LMX1B: variants seen among roughly 807,000 people sequenced by gnomAD.
LMX1B encodes LIM homeobox transcription factor 1 beta.
LMX1B carries 12 observed loss-of-function variants against 51.4 expected under a neutral mutation model. That is an observed-to-expected ratio of 0.23 (90% CI 0.15 to 0.38). The LOEUF is 0.38. Among genes scored for constraint, LMX1B ranks in the 10% least tolerant of loss-of-function variants. The probability of loss-of-function intolerance (pLI) is 1.00; values close to 1 mark genes in which losing one functional copy is unlikely to be tolerated. For synonymous variants in LMX1B, 237 were observed against 235.4 expected, an observed-to-expected ratio of 1.01 and a Z score of -0.06; for missense variants, 445 against 571.1, an observed-to-expected ratio of 0.78 and a Z score of 2.25.
At chr9:126,682,479 A>G (rs1054509418) in intron 2 of LMX1B, among the ~76,000 whole-genome samples, 1 of 152,128 alleles carries the variant, frequency 6.6e-6, no homozygotes. Flanking sequence ...CCTTCCGCCT[A>G]TGAGAATGTC....
At position 126,615,349 on chromosome 9, in the gene LMX1B, G is replaced by A; in HGVS notation, c.140-34G>A. 1 of 1,491,128 alleles carries A rather than the reference G, an allele frequency of 6.7e-7. No individual in the cohort carries two copies. The highest frequency in any genetic ancestry group is 1.5e-5 in the African/African-American group (1 of 68,624). 92.4% of individuals were successfully genotyped at this position (1,491,128 alleles called of 1,614,324 possible). A position where few individuals can be genotyped will look rare whatever the true frequency, so the allele number is the denominator to read the frequency against. ...GGACGCCGGGGCTGGGCCGGGCGGC[G>A]CTGACGGCCGGGCTTTCGCCCTGTG... is the stretch of plus-strand genomic sequence containing the variant. On this transcript the variant is annotated intron_variant, in intron 1 of 7. Transcript: ENST00000373474. The surrounding 1 kb of genome is among the most constrained non-coding windows in gnomAD (Gnocchi z 6.0).
rs970470892 is a variant in LMX1B at position 126,615,704 on chromosome 9, G to A, written c.326+135G>A. 3.9e-6 allele frequency: 3 copies of A among 770,352 alleles called. No individual in the cohort carries two copies. Among genetic ancestry groups the A allele is most frequent in the Admixed American group, 7.7e-5 (2 of 25,820 alleles). The allele number at this position is 770,352 out of a possible 1,614,324, so 47.7% of individuals were successfully genotyped here. A position where few individuals can be genotyped will look rare whatever the true frequency, so the allele number is the denominator to read the frequency against. ...GGCCGGGCAGCTCCAAGGGTTCCGA[G>A]AGCTGCGCGTCTTGGGGCTGGGGCG... is the stretch of plus-strand genomic sequence containing the variant. On this transcript the variant is annotated intron_variant, in intron 2 of 7. Transcript: ENST00000373474. The surrounding 1 kb of genome is among the most constrained non-coding windows in gnomAD (Gnocchi z 6.0).
At chr9:126,666,843 G>A (rs571033861) in intron 2 of LMX1B, among the ~76,000 whole-genome samples, 95 of 152,172 alleles carry the variant, frequency 6.2e-4, no homozygotes, top group Non-Finnish European at 1.1e-3. Context: ...GAGGGGCGGC[G>A]TGGGAAGAAT....
At chr9:126,624,091 C>T (rs536599075) in intron 2 of LMX1B, among the ~76,000 whole-genome samples, 3 of 152,268 alleles carry the variant, frequency 2.0e-5, no homozygotes, top group African/African-American at 7.2e-5. Flanking sequence ...CGGTCCTGCC[C>T]TTTCTAAAGC....
At chr9:126,684,748 C>T (rs1836741789) in intron 2 of LMX1B, among the ~76,000 whole-genome samples, 1 of 152,100 alleles carries the variant, frequency 6.6e-6, no homozygotes, top group African/African-American at 2.4e-5. Flanking sequence ...AACATGGTAC[C>T]CCCCGTGGTC....
Position 126,626,584 on chromosome 9 carries a change from C to T in LMX1B, c.326+11015C>T, listed in dbSNP as rs1038852758. ...CTGCAATCCCGGCTCAGTCGGCAAC[C>T]GGCCCTTCCTTCCAGGTCAGGGGTG... On this transcript the variant is annotated intron_variant, in intron 2 of 7. Transcript: ENST00000373474. The surrounding 1 kb of genome is among the most constrained non-coding windows in gnomAD (Gnocchi z 4.3). 5.3e-5 allele frequency among the ~76,000 whole-genome samples: 8 copies of T among 152,184 alleles called. No homozygotes were observed. Among genetic ancestry groups the T allele is most frequent in the Non-Finnish European group, 1.2e-4 (8 of 68,036 alleles).
chr9:126,675,985 C>T (rs1303230128), intron 2 of LMX1B, among the ~76,000 whole-genome samples: 1 of 143,216 alleles, frequency 7.0e-6, no homozygotes, highest in Non-Finnish European at 1.5e-5. Context: ...GGAGGCGGAG[C>T]TTGCAGTGAG....
intron 2 of LMX1B, among the ~76,000 whole-genome samples, chr9:126,645,890 T>C (rs1385640314): frequency 6.6e-6 from 1 of 151,968 alleles, no homozygotes; most frequent in Non-Finnish European, 1.5e-5. Flanking sequence ...GAGAAGCCGC[T>C]GAGGGAGGGA....
At position 126,625,196 on chromosome 9, in the gene LMX1B, C is replaced by A. The variant is rs1387837720; in HGVS notation, c.326+9627C>A. ...CGAGGACGGCGGGAAGAGGGGGCTC[C>A]GGCCCTGTAGCCCCCTGACGCTTTT... On this transcript the variant is annotated intron_variant, in intron 2 of 7. Coordinates refer to ENST00000373474, the MANE Select transcript of LMX1B (RefSeq NM_001174147.2). The surrounding 1 kb of genome is among the most constrained non-coding windows in gnomAD (Gnocchi z 5.3). Among the ~76,000 whole-genome samples, 1 of 152,258 alleles carries A rather than the reference C, an allele frequency of 6.6e-6. No homozygotes were observed. The highest frequency in any genetic ancestry group is 2.4e-5 in the African/African-American group (1 of 41,476).
rs1382843029 is a variant in LMX1B, at chr9:126,696,312, A to G, written c.1070A>G (p.His357Arg). Residue 357 changes from histidine to arginine, a missense_variant, in exon 8 of 8, where the codon CAT (histidine) becomes CGT (arginine). Physicochemically the swap from His to Arg is conservative, Grantham distance 29. This residue lies in a region of LMX1B where 162 missense variants were observed against 187.8 expected (regional missense o/e 0.86). Transcript: ENST00000373474. ...MNPYGNDSIF[H>R]DIDSDTSLTS... ...CCCCCAGGGAACGACTCCATCTTCC[A>G]TGACATCGACAGCGATACCTCCTTA... 1 of 1,613,954 alleles carries G rather than the reference A, an allele frequency of 6.2e-7. No homozygotes were observed. Among genetic ancestry groups the G allele is most frequent in the South Asian group, 1.1e-5 (1 of 91,078 alleles).
Position 126,641,114 on chromosome 9 carries a change from G to A in LMX1B, c.326+25545G>A, listed in dbSNP as rs79157471. ...CAGAGCTGAGTAGGCAACCTGGCACGGGGGCATGTGGAAGGAGCTGTGGGA... is the reference window on the plus strand; with the variant it reads ...CAGAGCTGAGTAGGCAACCTGGCACAGGGGCATGTGGAAGGAGCTGTGGGA... On this transcript the variant is annotated intron_variant, in intron 2 of 7. Transcript: ENST00000373474. The surrounding 1 kb of genome is among the most constrained non-coding windows in gnomAD (Gnocchi z 4.1). The A allele has an allele frequency of 6.6e-6, 1 of 152,398 alleles. No homozygotes were observed. The highest frequency in any genetic ancestry group is 1.9e-4 in the East Asian group (1 of 5,196). 9.4% of individuals were successfully genotyped at this position (152,398 alleles called of 1,614,324 possible). A position where few individuals can be genotyped will look rare whatever the true frequency, so the allele number is the denominator to read the frequency against.
At chr9:126,662,656 G>A (rs904570412) in intron 2 of LMX1B, among the ~76,000 whole-genome samples, 6 of 152,206 alleles carry the variant, frequency 3.9e-5, no homozygotes, top group Non-Finnish European at 7.3e-5. Flanking sequence ...TGGAAGTGTG[G>A]GCTGGGCTGG....
chr9:126,697,726 A>G lies in LMX1B; in HGVS notation c.*1275A>G, dbSNP rs1191391016. On this transcript the variant is annotated 3_prime_UTR_variant, in exon 8 of 8. Coordinates refer to ENST00000373474, the MANE Select transcript of LMX1B (RefSeq NM_001174147.2). Reference sequence around the variant, plus strand: ...GCCCAAAAGACAATGATTTGGCCACATGACCTTAGAGATTCACCCTGCCCT... The same window carrying G: ...GCCCAAAAGACAATGATTTGGCCACGTGACCTTAGAGATTCACCCTGCCCT... 6.6e-6 allele frequency: 1 copy of G among 152,522 alleles called. No homozygotes were observed. Among genetic ancestry groups the G allele is most frequent in the East Asian group, 1.9e-4 (1 of 5,196 alleles). 9.4% of individuals were successfully genotyped at this position (152,522 alleles called of 1,614,324 possible).
chr9:126,671,710 C>A lies in LMX1B; in HGVS notation c.327-19126C>A, dbSNP rs1323959160. Among the ~76,000 whole-genome samples the A allele has an allele frequency of 6.6e-6, 1 of 152,112 alleles. No individual in the cohort carries two copies. The highest frequency in any genetic ancestry group is 2.4e-5 in the African/African-American group (1 of 41,430). ...CCGAGCGGTGGAATTTTTCAATAACCAGCAGCTGGGTCACCAGGCACACAA... is the reference window on the plus strand; with the variant it reads ...CCGAGCGGTGGAATTTTTCAATAACAAGCAGCTGGGTCACCAGGCACACAA... On this transcript the variant is annotated intron_variant, in intron 2 of 7. Transcript: ENST00000373474. This position sits in a 1 kb window ranked among gnomAD's most constrained non-coding sequence, Gnocchi z 4.4.
At chr9:126,638,223 G>A (rs924366529) in intron 2 of LMX1B, among the ~76,000 whole-genome samples, 2 of 152,134 alleles carry the variant, frequency 1.3e-5, no homozygotes, top group Non-Finnish European at 2.9e-5. Context: ...GGAATGCTCC[G>A]GTGGGGGTGC....
At chr9:126,696,250 G>T (rs753513505) in intron 7 of LMX1B, 44 bp from the exon 8 acceptor site, 1 of 1,602,574 alleles carries the variant, frequency 6.2e-7, no homozygotes. Flanking sequence ...GCCCCCAGGA[G>T]CCCCAGCCTG....
Position 126,691,900 on chromosome 9 carries a change from C to T in LMX1B, c.559+832C>T, listed in dbSNP as rs1012486746. On this transcript the variant is annotated intron_variant, in intron 3 of 7. Coordinates refer to ENST00000373474, the MANE Select transcript of LMX1B (RefSeq NM_001174147.2). Reference sequence around the variant, plus strand: ...TCCTCTGCTCTAGCCCCCAAAAGGACGAGGCCAATTTGAAGGCCTCCTGGC... The same window carrying T: ...TCCTCTGCTCTAGCCCCCAAAAGGATGAGGCCAATTTGAAGGCCTCCTGGC... 3.3e-5 allele frequency among the ~76,000 whole-genome samples: 5 copies of T among 152,338 alleles called. No individual in the cohort carries two copies. The East Asian group carries it at 5.8e-4, about 18-fold the overall frequency.
At position 126,689,620 on chromosome 9, in the gene LMX1B, C is replaced by G. The variant is rs184915198; in HGVS notation, c.327-1216C>G. 4.9e-3 allele frequency among the ~76,000 whole-genome samples: 749 copies of G among 152,320 alleles called. 3 individuals carry two copies. Among genetic ancestry groups the G allele is most frequent in the Non-Finnish European group, 6.7e-3 (459 of 68,028 alleles). On this transcript the variant is annotated intron_variant, in intron 2 of 7. Coordinates refer to ENST00000373474, the MANE Select transcript of LMX1B (RefSeq NM_001174147.2). ...GTGGGGGAGTGTCGGGAGGAGCGGT[C>G]AGCAGACACAGCAGAGGAGGGGCCG...
chr9:126,656,141 A>C (rs1440373045), intron 2 of LMX1B, among the ~76,000 whole-genome samples: 1 of 152,212 alleles, frequency 6.6e-6, no homozygotes, highest in Admixed American at 6.5e-5. Flanking sequence ...GAGGCTGATG[A>C]GTTCATTGGG....
Sources: allele counts gnomAD v4.1 joint callset (sites outside exome capture counted in the v4.1 genomes callset), GRCh38; gene constraint gnomAD v4.1.1; regional missense constraint gnomAD v4.1.1; non-coding constraint Gnocchi (gnomAD v3.1); transcripts MANE v1.5; gene names NCBI Gene and HGNC (gene_info 2026-07-23, HGNC 2026-07-21).